ANKRD36B: variants seen among roughly 807,000 people sequenced by gnomAD.
ANKRD36B encodes the protein ankyrin repeat domain-containing protein 36B.
ANKRD36B carries 37 observed loss-of-function variants against 135.7 expected under a neutral mutation model. That is an observed-to-expected ratio of 0.27 (90% CI 0.21 to 0.36). The LOEUF (loss-of-function observed/expected upper bound fraction) is 0.36. Among genes scored for constraint, ANKRD36B ranks in the 10% least tolerant of loss-of-function variants. The pLI is 1.00. For synonymous variants in ANKRD36B, 179 were observed against 348.1 expected (o/e 0.51, Z 5.41); for missense variants, 549 against 1,037.1 (o/e 0.53, Z 6.46).
rs139999116 is a variant in ANKRD36B at position 97,559,487 on chromosome 2, C to T, written c.866-493G>A. ...GTTAAATGTACACTTCACGTCTCTT[C>T]GGTGGAAATGTCCTAAATTGATCAC... On this transcript the variant is annotated intron_variant, in intron 8 of 43. Coordinates refer to ENST00000359901, the MANE Select transcript of ANKRD36B (RefSeq NM_001393939.1). 1.4e-3 allele frequency among the ~76,000 whole-genome samples: 206 copies of T among 151,936 alleles called. 1 individual carries two copies. The highest frequency in any genetic ancestry group is 4.5e-3 in the African/African-American group (185 of 41,482).
chr2:97,558,728 A>G (rs1275431014), intron 10 of ANKRD36B, 71 bp downstream of exon 10: 1 of 1,599,906 alleles, frequency 6.3e-7, no homozygotes, highest in East Asian at 2.3e-5. Context: ...TCCCCCGCTG[A>G]TTTATTCGGG....
chr2:97,584,192 G>A (rs1424199668), intron 3 of ANKRD36B, among the ~76,000 whole-genome samples: 6 of 96,996 alleles, frequency 6.2e-5, no homozygotes, highest in Non-Finnish European at 1.9e-5. Flanking sequence ...ACTGTGTGCC[G>A]CTTCATCACC....
At chr2:97,554,462 C>G (rs1416693140) in intron 14 of ANKRD36B, among the ~76,000 whole-genome samples, 4 of 151,888 alleles carry the variant, frequency 2.6e-5, no homozygotes, top group Non-Finnish European at 4.4e-5. Flanking sequence ...TCCAGTAGTT[C>G]CTGGAGCTGC....
At chr2:97,536,827 A>G (rs2078913430) in intron 32 of ANKRD36B, among the ~76,000 whole-genome samples, 1 of 97,132 alleles carries the variant, frequency 1.0e-5, no homozygotes, top group Non-Finnish European at 2.7e-5. Context: ...CCTAGAAATA[A>G]GTGTAAAAGC....
intron 16 of ANKRD36B, 31 bp from the exon 17 acceptor site, chr2:97,551,511 A>G (rs2080065265): frequency 2.5e-6 from 4 of 1,606,818 alleles, no homozygotes; most frequent in African/African-American, 2.7e-5. Flanking sequence ...ATAATCACTC[A>G]TATGTAACTA....
At chr2:97,558,894 T>C in intron 9 of ANKRD36B, 23 bp from the exon 10 acceptor site, 2 of 1,609,866 alleles carry the variant, frequency 1.2e-6, no homozygotes, top group Non-Finnish European at 1.7e-6. Flanking sequence ...TGAAACAAAA[T>C]AATCAATATG....
intron 16 of ANKRD36B, 86 bp from the exon 17 acceptor site, chr2:97,551,566 T>C: frequency 6.3e-7 from 1 of 1,586,610 alleles, no homozygotes; most frequent in Non-Finnish European, 8.6e-7. Context: ...TATCAACCTC[T>C]GTCCTCCTGC....
intron 1 of ANKRD36B, among the ~76,000 whole-genome samples, chr2:97,587,823 C>T (rs1448676775): frequency 9.2e-6 from 1 of 109,256 alleles, no homozygotes; most frequent in Non-Finnish European, 2.6e-5. Context: ...AACAGTATTT[C>T]ATTCTTTTTT....
At position 97,536,179 on chromosome 2, in the gene ANKRD36B, T is replaced by C. The variant is rs543033804; in HGVS notation, c.2191+121A>G. 167 of 445,972 alleles carry C rather than the reference T, an allele frequency of 3.7e-4. 40 individuals are homozygous for C. Among genetic ancestry groups the C allele is most frequent in the African/African-American group, 3.4e-3 (154 of 45,238 alleles). The allele number at this position is 445,972 out of a possible 1,614,324, so 27.6% of individuals were successfully genotyped here. The stretch of plus-strand genomic sequence containing the variant: ...AATAAAAATGATAACAGCTGCATTA[T>C]TTAGATGAAATCCTGAAATAAAATA... On this transcript the variant is annotated intron_variant, in intron 34 of 43. Transcript: ENST00000359901.
chr2:97,570,823 A>G (rs1014223817), intron 6 of ANKRD36B, among the ~76,000 whole-genome samples: 9 of 152,186 alleles, frequency 5.9e-5, no homozygotes, highest in African/African-American at 1.4e-4. Context: ...CAAGTGAATC[A>G]CCAAACACAG....
intron 34 of ANKRD36B, among the ~76,000 whole-genome samples, chr2:97,532,692 T>C (rs1183041673): frequency 1.3e-5 from 1 of 79,456 alleles, no homozygotes; most frequent in African/African-American, 4.0e-5. Flanking sequence ...CCACTGCACC[T>C]CCAGCCTGGG....
At chr2:97,549,329 C>T in intron 20 of ANKRD36B, 90 bp downstream of exon 20, 2 of 1,427,946 alleles carry the variant, frequency 1.4e-6, no homozygotes, top group African/African-American at 1.4e-5. Flanking sequence ...GAAAGTGCAG[C>T]TTCGACGAGC....
chr2:97,493,702 T>C (rs1350624710), intron 43 of ANKRD36B, among the ~76,000 whole-genome samples: 1 of 42,264 alleles, frequency 2.4e-5, no homozygotes, highest in African/African-American at 5.9e-5. Context: ...GTAAAAGACA[T>C]GAGCTAAAGA....
In ANKRD36B at chr2:97,569,992, C is replaced by T. The variant is rs562158296; in HGVS notation, c.763+6387G>A. Reference sequence around the variant, plus strand: ...ATATAAAACAAAACTGAACCATCTACATAATTAAAATGAAACAAATTTTTT... The same window carrying T: ...ATATAAAACAAAACTGAACCATCTATATAATTAAAATGAAACAAATTTTTT... On this transcript the variant is annotated intron_variant, in intron 6 of 43. Coordinates refer to ENST00000359901, the MANE Select transcript of ANKRD36B (RefSeq NM_001393939.1). 1.4e-4 allele frequency among the ~76,000 whole-genome samples: 21 copies of T among 152,120 alleles called. No individual in the cohort carries two copies. The South Asian group carries it at 1.5e-3, about 11-fold the overall frequency.
chr2:97,498,145 A>G (rs1349643579), intron 43 of ANKRD36B, among the ~76,000 whole-genome samples: 1 of 76,516 alleles, frequency 1.3e-5, no homozygotes, highest in Admixed American at 1.0e-4. Context: ...GGGAAAAACA[A>G]CAACAAAAAA....
chr2:97,565,000 C>T (rs991171056), intron 6 of ANKRD36B, among the ~76,000 whole-genome samples: 15 of 149,270 alleles, frequency 1.0e-4, no homozygotes, highest in African/African-American at 3.7e-4. Flanking sequence ...TCTTCCTAAC[C>T]ATGAGCATGG....
At chr2:97,534,240 C>T (rs192001273) in intron 34 of ANKRD36B, among the ~76,000 whole-genome samples, 5,372 of 93,688 alleles carry the variant, frequency 0.057, 1,764 homozygotes, top group South Asian at 0.11. Context: ...AAAATTAGTT[C>T]GATTTGATAT....
chr2:97,567,695 A>T (rs1388582604), intron 6 of ANKRD36B, among the ~76,000 whole-genome samples: 1 of 152,178 alleles, frequency 6.6e-6, no homozygotes, highest in South Asian at 2.1e-4. Flanking sequence ...TAAGATTCTG[A>T]GTAGTATGAC....
chr2:97,555,262 G>C lies in ANKRD36B; in HGVS notation c.1070-8C>G. On this transcript the variant is annotated splice_region_variant and splice_polypyrimidine_tract_variant and intron_variant, in intron 12 of 43. Transcript: ENST00000359901. ...GTTGTTTCTGAGAAGACACTGAAAA[G>C]CAAAAGGGATACATAATCACTCATA... 1 of 1,610,958 alleles carries C rather than the reference G, an allele frequency of 6.2e-7. No homozygotes were observed. Among genetic ancestry groups the C allele is most frequent in the South Asian group, 1.1e-5 (1 of 90,986 alleles).
Sources: allele counts gnomAD v4.1 joint callset (sites outside exome capture counted in the v4.1 genomes callset), GRCh38; gene constraint gnomAD v4.1.1; transcripts MANE v1.5; gene names NCBI Gene and HGNC (gene_info 2026-07-23, HGNC 2026-07-21).